ERBB3: variants seen among roughly 807,000 people sequenced by gnomAD.
ERBB3 encodes erb-b2 receptor tyrosine kinase 3.
A neutral mutation model predicts 156.7 loss-of-function variants in ERBB3; 96 were observed. That is an observed-to-expected ratio of 0.61 (90% CI 0.52 to 0.73). The LOEUF is 0.73. Ranked by LOEUF, ERBB3 falls within the 30% of genes least tolerant of loss-of-function variation. The pLI, the probability that ERBB3 is intolerant of heterozygous loss-of-function variation, is 0.00. For missense variants in ERBB3, 1,406 were observed against 1,709.4 expected (o/e 0.82, Z 3.13); for synonymous variants, 567 against 632.0 (o/e 0.90, Z 1.54).
At chr12:56,096,894 G>A (rs750884540) in intron 19 of ERBB3, 48 bp downstream of exon 19, 1 of 1,419,268 alleles carries the variant, frequency 7.0e-7, no homozygotes, top group Non-Finnish European at 9.8e-7. Context: ...GACAATATTA[G>A]ATACAATCAT....
Position 56,101,327 on chromosome 12 carries a change from CA to C in ERBB3, c.3470del (p.Asn1157ThrfsTer44), listed in dbSNP as rs1175805783. The C allele has an allele frequency of 6.2e-7, 1 of 1,614,202 alleles. No homozygotes were observed. Among genetic ancestry groups the C allele is most frequent in the Non-Finnish European group, 8.5e-7 (1 of 1,180,040 alleles). On this transcript the variant is annotated frameshift_variant, in exon 27 of 28. Transcript: ENST00000267101. LOFTEE classifies it high-confidence loss of function. ...SPPGLEEEDV[N>X]GYVMPDTHLK... ...CACCCGGGTTAGAGGAAGAGGATGT[CA>C]ACGGTTATGTCATGCCAGATACACA...
intron 3 of ERBB3, among the ~76,000 whole-genome samples, chr12:56,085,885 C>T (rs1437380744): frequency 4.0e-5 from 6 of 151,104 alleles, no homozygotes; most frequent in Non-Finnish European, 7.4e-5. Context: ...CTGGCTAACA[C>T]GGTGAAACCC....
intron 1 of ERBB3, among the ~76,000 whole-genome samples, chr12:56,081,958 C>T (rs1868358841): frequency 6.6e-6 from 1 of 152,132 alleles, no homozygotes; most frequent in Non-Finnish European, 1.5e-5. Context: ...GCTCCCCAAG[C>T]TGCCTAGCTC....
intron 14 of ERBB3, 47 bp downstream of exon 14, chr12:56,094,236 A>C (rs1410891573): frequency 3.9e-6 from 6 of 1,520,920 alleles, no homozygotes; most frequent in Non-Finnish European, 5.5e-6. Context: ...AGAAGGGGCA[A>C]TACTTGGAGC....
chr12:56,100,939 C>CAAAAA (rs10536745), intron 26 of ERBB3, 122 bp from the exon 27 acceptor site: 23 of 303,614 alleles, frequency 7.6e-5, no homozygotes, highest in African/African-American at 2.3e-4. Flanking sequence ...GACTCCACCT[C>CAAAAA]AAAAAAAAAA....
chr12:56,093,812 G>T lies in ERBB3; in HGVS notation c.1529G>T (p.Trp510Leu). ...CCACTGTGCTCCTCTGGGGGATGCTGGGGCCCAGGCCCTGGTCAGTGCTTG... is the reference window on the plus strand; with the variant it reads ...CCACTGTGCTCCTCTGGGGGATGCTTGGGCCCAGGCCCTGGTCAGTGCTTG... ...CDPLCSSGGC[W>L]GPGPGQCLSC... The change falls in exon 13 of 28, where the codon TGG becomes TTG. Residue 510 changes from tryptophan (W) to leucine (L), a missense_variant. Physicochemically the swap from Trp to Leu is moderately conservative, Grantham distance 61. Around this residue, in one of 3 missense-constraint regions of ERBB3, gnomAD observed 979 missense variants for 1,219.6 expected, o/e 0.80. Transcript: ENST00000267101. 1 of 1,614,002 alleles carries T rather than the reference G, an allele frequency of 6.2e-7. No homozygotes were observed. The highest frequency in any genetic ancestry group is 1.1e-5 in the South Asian group (1 of 91,066).
intron 15 of ERBB3, 101 bp downstream of exon 15, chr12:56,094,657 A>C: frequency 1.4e-6 from 2 of 1,410,872 alleles, no homozygotes; most frequent in Non-Finnish European, 1.9e-6. Flanking sequence ...TGATTCAAGA[A>C]TCACTCCCAG....
At chr12:56,095,995 C>T (rs1239389256) in intron 17 of ERBB3, 189 bp downstream of exon 17, 2 of 663,806 alleles carry the variant, frequency 3.0e-6, no homozygotes, top group Non-Finnish European at 5.2e-6. Flanking sequence ...CCTAGAAGAA[C>T]ACTGGTCAGA....
In ERBB3 at chr12:56,097,025, A is replaced by G. The variant is rs1374584746; in HGVS notation, c.2275-20A>G. The G allele has an allele frequency of 1.9e-6, 3 of 1,613,144 alleles. No homozygotes were observed. Among genetic ancestry groups the G allele is most frequent in the Non-Finnish European group, 2.5e-6 (3 of 1,179,342 alleles). On this transcript the variant is annotated intron_variant, in intron 19 of 27. Transcript: ENST00000267101. ...TGTGAACCTGTTGGTTTCCTAGATA[A>G]TACCTTTTGTGTCTCTTAGCATATG...
Position 56,102,830 on chromosome 12 carries a change from A to AAAAAC in ERBB3, c.*776_*780dup. ...TTAAAAAAAAAAAAAAAAAAAAAAA[A>AAAAAC]AAAACTTTAGAACTGGGTGCAGTGG... On this transcript the variant is annotated 3_prime_UTR_variant, in exon 28 of 28. Coordinates refer to ENST00000267101, the MANE Select transcript of ERBB3 (RefSeq NM_001982.4). 4.6e-6 allele frequency: 1 copy of AAAAAC among 215,702 alleles called. No individual in the cohort carries two copies. Among genetic ancestry groups the AAAAAC allele is most frequent in the Non-Finnish European group, 9.3e-6 (1 of 107,586 alleles). 13.4% of individuals were successfully genotyped at this position (215,702 alleles called of 1,614,324 possible).
At chr12:56,096,048 T>A (rs1391951142) in intron 17 of ERBB3, 1 of 582,488 alleles carries the variant, frequency 1.7e-6, no homozygotes, top group Non-Finnish European at 3.0e-6. Flanking sequence ...TGCCATTAAT[T>A]TGCCACATGA....
At position 56,080,308 on chromosome 12, in the gene ERBB3, C is replaced by G. The variant is rs1868337458; in HGVS notation, c.8C>G (p.Ala3Gly). The G allele has an allele frequency of 6.4e-7, 1 of 1,569,386 alleles. No homozygotes were observed. Among genetic ancestry groups the G allele is most frequent in the Non-Finnish European group, 8.7e-7 (1 of 1,155,938 alleles). The change falls in exon 1 of 28, where the codon GCG becomes GGG. Residue 3 changes from alanine (A) to glycine (G), a missense_variant. Around this residue, in one of 3 missense-constraint regions of ERBB3, gnomAD observed 979 missense variants for 1,219.6 expected, o/e 0.80. Coordinates refer to ENST00000267101, the MANE Select transcript of ERBB3 (RefSeq NM_001982.4). The part of the protein sequence containing the change: MR[A>G]NDALQVLGLL... Reference sequence around the variant, plus strand: ...TTCACCCTCTGCGGAGTCATGAGGGCGAACGACGCTCTGCAGGTGCTGGGC... The same window carrying G: ...TTCACCCTCTGCGGAGTCATGAGGGGGAACGACGCTCTGCAGGTGCTGGGC...
In ERBB3 at chr12:56,095,319, G is replaced by C. The variant is rs746612908; in HGVS notation, c.1913+9G>C. ...ACACTGGTGCTGATCGGGTATGATG[G>C]GGTTGGAGATTCTGGAAACTGGGGA... On this transcript the variant is annotated intron_variant, in intron 16 of 27. Transcript: ENST00000267101. 9 of 1,611,728 alleles carry C rather than the reference G, an allele frequency of 5.6e-6. No homozygotes were observed. Among genetic ancestry groups the C allele is most frequent in the Non-Finnish European group, 6.8e-6 (8 of 1,177,938 alleles).
intron 3 of ERBB3, 97 bp from the exon 4 acceptor site, chr12:56,086,434 A>T (rs369877866): frequency 2.1e-6 from 3 of 1,441,682 alleles, no homozygotes; most frequent in East Asian, 4.6e-5. Flanking sequence ...TCATTCTCCC[A>T]CTCCTGAGTC....
intron 1 of ERBB3, among the ~76,000 whole-genome samples, chr12:56,081,982 T>G (rs1565855135): frequency 6.6e-6 from 1 of 152,090 alleles, no homozygotes; most frequent in Non-Finnish European, 1.5e-5. Flanking sequence ...CCCAGAGGTG[T>G]TGTTTGTGCT....
intron 9 of ERBB3, 170 bp downstream of exon 9, chr12:56,089,038 C>T (rs560594495): frequency 1.1e-5 from 9 of 845,894 alleles, no homozygotes; most frequent in East Asian, 5.3e-5. Flanking sequence ...TCCAGGCCTT[C>T]GGTCCCCTCA....
intron 15 of ERBB3, among the ~76,000 whole-genome samples, 161 bp from the exon 16 acceptor site, chr12:56,095,096 G>A (rs571397011): frequency 2.6e-5 from 4 of 152,230 alleles, no homozygotes; most frequent in African/African-American, 9.7e-5. Flanking sequence ...GGCTTGGGGA[G>A]AGCTAGTGAG....
intron 22 of ERBB3, 65 bp downstream of exon 22, chr12:56,098,640 C>G (rs759445625): frequency 1.3e-6 from 2 of 1,573,398 alleles, no homozygotes; most frequent in African/African-American, 2.7e-5. Context: ...CTTTTGAGAC[C>G]CCCTCTTAGA....
intron 9 of ERBB3, among the ~76,000 whole-genome samples, chr12:56,091,528 G>C (rs866076410): frequency 6.7e-6 from 1 of 149,936 alleles, no homozygotes; most frequent in Non-Finnish European, 1.5e-5. Context: ...TATAGAGACA[G>C]GGTTGCACCA....
Sources: allele counts gnomAD v4.1 joint callset (sites outside exome capture counted in the v4.1 genomes callset), GRCh38; gene constraint gnomAD v4.1.1; regional missense constraint gnomAD v4.1.1; transcripts MANE v1.5; gene names NCBI Gene and HGNC (gene_info 2026-07-23, HGNC 2026-07-21).